Variants in FGF14 observed in about 807,000 individuals in gnomAD.
The protein encoded by FGF14 is fibroblast growth factor 14, also known as fibroblast growth factor homologous factor 4.
In FGF14, 5 loss-of-function variants were observed where a neutral mutation model predicts 25.5. The ratio of observed to expected loss-of-function variants is 0.20; its 90% CI spans 0.10 to 0.41. FGF14 has a LOEUF of 0.41. Among genes scored for constraint, FGF14 ranks in the 10% least tolerant of loss-of-function variants. The pLI is 1.00. For missense variants in FGF14, 222 were observed against 320.1 expected (o/e 0.69, Z 2.34); for synonymous variants, 138 against 118.3 (o/e 1.17, Z -1.08).
chr13:101,996,685 G>T (rs1171672290), intron 1 of FGF14, among the ~76,000 whole-genome samples: 1 of 152,186 alleles, frequency 6.6e-6, no homozygotes, highest in African/African-American at 2.4e-5. Flanking sequence ...AATCTAGTTT[G>T]TAAGTAAGTT....
chr13:102,012,155 C>A (rs556383836), intron 1 of FGF14, among the ~76,000 whole-genome samples: 1 of 151,888 alleles, frequency 6.6e-6, no homozygotes, highest in African/African-American at 2.4e-5. Context: ...ATCAATTTGC[C>A]GATCCAGTGA....
chr13:102,022,072 C>A (rs528567842), intron 1 of FGF14, among the ~76,000 whole-genome samples: 1 of 152,048 alleles, frequency 6.6e-6, no homozygotes. Context: ...CTAATTCTAC[C>A]TTACTTCATG....
At chr13:101,831,700 G>C (rs1329552501) in intron 3 of FGF14, among the ~76,000 whole-genome samples, 1 of 152,068 alleles carries the variant, frequency 6.6e-6, no homozygotes, top group African/African-American at 2.4e-5. Context: ...ACTCTGCATA[G>C]ATCTTTGCCT....
chr13:102,366,334 T>C (rs2057711461), intron 1 of FGF14: 1 of 152,180 alleles, frequency 6.6e-6, no homozygotes, highest in African/African-American at 2.4e-5. Context: ...CAGTATATTA[T>C]AACATGTCGT....
At chr13:102,122,408 C>T (rs2045766136) in intron 1 of FGF14, among the ~76,000 whole-genome samples, 1 of 152,182 alleles carries the variant, frequency 6.6e-6, no homozygotes, top group African/African-American at 2.4e-5. Flanking sequence ...CTCACAGCTT[C>T]CTGCTAACAA....
At chr13:101,842,143 GA>G (rs1380410428) in intron 3 of FGF14, among the ~76,000 whole-genome samples, 1 of 151,898 alleles carries the variant, frequency 6.6e-6, no homozygotes, top group Non-Finnish European at 1.5e-5. Context: ...ACAGGTAATA[GA>G]AAAAAAGCAA....
chr13:102,002,949 A>T (rs1454939147), intron 1 of FGF14: 1 of 152,188 alleles, frequency 6.6e-6, no homozygotes, highest in Non-Finnish European at 1.5e-5. Context: ...TTCCCACATT[A>T]AATTAATAAA....
At chr13:101,926,653 T>C (rs2034386546) in intron 1 of FGF14, among the ~76,000 whole-genome samples, 1 of 152,222 alleles carries the variant, frequency 6.6e-6, no homozygotes, top group African/African-American at 2.4e-5. Flanking sequence ...TTTAAGGCCA[T>C]AGAATCTAGC....
chr13:101,884,730 T>C (rs2138833576), intron 1 of FGF14, among the ~76,000 whole-genome samples: 1 of 152,198 alleles, frequency 6.6e-6, no homozygotes, highest in East Asian at 1.9e-4. Context: ...GGAAGGGAAT[T>C]GCTGCTTTGA....
At chr13:102,317,138 T>G (rs2056063462) in intron 1 of FGF14, among the ~76,000 whole-genome samples, 1 of 152,200 alleles carries the variant, frequency 6.6e-6, no homozygotes, top group Non-Finnish European at 1.5e-5. Flanking sequence ...CTACACTAAC[T>G]ACTTGCTACA....
chr13:101,789,803 A>T (rs1333406376), intron 3 of FGF14, among the ~76,000 whole-genome samples: 1 of 148,720 alleles, frequency 6.7e-6, no homozygotes, highest in African/African-American at 2.4e-5. Flanking sequence ...TAACATTTAT[A>T]TATATTAATA....
intron 1 of FGF14, among the ~76,000 whole-genome samples, chr13:102,357,506 T>C (rs192466720): frequency 3.0e-4 from 45 of 152,336 alleles, no homozygotes; most frequent in African/African-American, 1.1e-3. Context: ...TGCAACTCAA[T>C]GTAGCTGTTA....
chr13:102,098,235 C>A (rs910600131), intron 1 of FGF14, among the ~76,000 whole-genome samples: 1 of 152,194 alleles, frequency 6.6e-6, no homozygotes, highest in East Asian at 1.9e-4. Flanking sequence ...AGAAAACAGA[C>A]AATCTGTCAG....
intron 1 of FGF14, among the ~76,000 whole-genome samples, chr13:101,928,120 C>T (rs762447205): frequency 3.3e-5 from 5 of 152,124 alleles, no homozygotes; most frequent in Non-Finnish European, 7.4e-5. Flanking sequence ...TGGATGACCA[C>T]GAGCTGGACA....
At chr13:101,726,051 GTATACAGTGAAGAATTACACAA>G (rs2035399594) in intron 4 of FGF14, among the ~76,000 whole-genome samples, 1 of 151,932 alleles carries the variant, frequency 6.6e-6, no homozygotes, top group Non-Finnish European at 1.5e-5. Flanking sequence ...TGCTACAAAT[GTATACAGTGAAGAATTACACAA>G]TTTGAAAGCA....
At chr13:102,035,348 GC>G (rs1346443904) in intron 1 of FGF14, among the ~76,000 whole-genome samples, 1 of 152,050 alleles carries the variant, frequency 6.6e-6, no homozygotes, top group East Asian at 1.9e-4. Flanking sequence ...GTACAAAGAA[GC>G]CAGGTAGCTT....
At chr13:102,241,166 C>G (rs1475306787) in intron 1 of FGF14, among the ~76,000 whole-genome samples, 1 of 152,038 alleles carries the variant, frequency 6.6e-6, no homozygotes, top group South Asian at 2.1e-4. Flanking sequence ...AAGGGGCACT[C>G]ATACAGAAAG....
intron 3 of FGF14, among the ~76,000 whole-genome samples, chr13:101,834,045 T>C (rs1303401269): frequency 6.6e-6 from 1 of 152,078 alleles, no homozygotes; most frequent in African/African-American, 2.4e-5. Flanking sequence ...TAATATCATA[T>C]TCCTCTAGTG....
chr13:102,229,491 T>C (rs981014507), intron 1 of FGF14, among the ~76,000 whole-genome samples: 3 of 152,202 alleles, frequency 2.0e-5, no homozygotes, highest in Non-Finnish European at 4.4e-5. Flanking sequence ...CCACTATTTC[T>C]TGCTACTGGT....
Sources: gnomAD v4.1 joint callset for allele counts (sites outside exome capture counted in the v4.1 genomes callset) on GRCh38, gnomAD v4.1.1 for gene constraint, MANE v1.5 for transcripts, NCBI Gene and HGNC (gene_info 2026-07-23, HGNC 2026-07-21) for gene names.